FARP1: variants seen among roughly 807,000 people sequenced by gnomAD.
FARP1 encodes the protein FERM, ARH/RhoGEF and pleckstrin domain protein 1, also known as FERM, ARHGEF and pleckstrin domain-containing protein 1.
In FARP1, 52 loss-of-function variants were observed where a neutral mutation model predicts 128.8. The ratio of observed to expected loss-of-function variants is 0.40; its 90% CI spans 0.32 to 0.51. FARP1 has a LOEUF of 0.51. FARP1 is among the 20% of genes least tolerant of loss of function. FARP1 has a pLI of 0.45. For synonymous variants in FARP1, 580 were observed against 551.8 expected (o/e 1.05, Z -0.72); for missense variants, 1,333 against 1,367.9 (o/e 0.97, Z 0.40).
intron 1 of FARP1, among the ~76,000 whole-genome samples, chr13:98,149,395 A>AG (rs879567635): frequency 0.09 from 13,731 of 152,218 alleles, 784 homozygotes; most frequent in African/African-American, 0.15. Flanking sequence ...GTTGGCTATC[A>AG]TGAATACAGC....
chr13:98,193,056 T>G (rs1879339449), intron 1 of FARP1, among the ~76,000 whole-genome samples: 1 of 148,936 alleles, frequency 6.7e-6, no homozygotes, highest in Non-Finnish European at 1.5e-5. Context: ...ACAACCAGAC[T>G]GTTCTTTTTT....
chr13:98,439,954 C>A lies in FARP1; in HGVS notation c.2434-7C>A. On this transcript the variant is annotated splice_polypyrimidine_tract_variant and splice_region_variant and intron_variant, in intron 21 of 26. Transcript: ENST00000319562. ...CTCATGGTGACGTTATCTTCTCTTG[C>A]CCACAGATTGAGGAGAGCGAAGACG... The A allele has an allele frequency of 1.9e-6, 3 of 1,550,790 alleles. No homozygotes were observed. Among genetic ancestry groups the A allele is most frequent in the South Asian group, 2.4e-5 (2 of 83,222 alleles).
chr13:98,193,555 A>C (rs1201779279), intron 1 of FARP1, among the ~76,000 whole-genome samples: 1 of 152,228 alleles, frequency 6.6e-6, no homozygotes, highest in Non-Finnish European at 1.5e-5. Context: ...GCATGTCATT[A>C]AAACCTTCGT....
intron 3 of FARP1, among the ~76,000 whole-genome samples, chr13:98,358,635 G>C (rs917737978): frequency 4.0e-5 from 6 of 151,836 alleles, no homozygotes; most frequent in Admixed American, 1.3e-4. Context: ...AAGTTTTTTT[G>C]TTTCTTTCTT....
At chr13:98,285,396 A>G (rs971613721) in intron 2 of FARP1, among the ~76,000 whole-genome samples, 2 of 152,142 alleles carry the variant, frequency 1.3e-5, no homozygotes, top group Non-Finnish European at 2.9e-5. Flanking sequence ...TATTTCATTC[A>G]GAATTTTCTG....
At chr13:98,226,574 G>A (rs1032488451) in intron 2 of FARP1, among the ~76,000 whole-genome samples, 2 of 151,606 alleles carry the variant, frequency 1.3e-5, no homozygotes, top group African/African-American at 4.9e-5. Flanking sequence ...AAATGGCTGT[G>A]CTGTTGACTG....
intron 1 of FARP1, among the ~76,000 whole-genome samples, chr13:98,192,089 TAA>T (rs34571770): frequency 0.035 from 5,339 of 151,154 alleles, 307 homozygotes; most frequent in African/African-American, 0.12. Context: ...TTAAATTCTT[TAA>T]AAAAAAAACA....
At chr13:98,254,352 T>C (rs924705487) in intron 2 of FARP1, among the ~76,000 whole-genome samples, 6 of 152,372 alleles carry the variant, frequency 3.9e-5, no homozygotes, top group Admixed American at 3.3e-4. Flanking sequence ...GAGTGCCAGT[T>C]ATATCATCTG....
intron 1 of FARP1, among the ~76,000 whole-genome samples, chr13:98,199,971 C>A (rs1374725001): frequency 6.6e-6 from 1 of 152,134 alleles, no homozygotes; most frequent in Non-Finnish European, 1.5e-5. Context: ...AAAGCCTTCT[C>A]TTCTGGTAAT....
At chr13:98,379,071 ATGTAATATG>A (rs1889749759) in intron 6 of FARP1, among the ~76,000 whole-genome samples, 1 of 90,226 alleles carries the variant, frequency 1.1e-5, no homozygotes, top group African/African-American at 5.2e-5. Flanking sequence ...TATATAATAT[ATGTAATATG>A]TAATCTATAT....
intron 2 of FARP1, among the ~76,000 whole-genome samples, chr13:98,277,574 G>T (rs1484931344): frequency 6.6e-6 from 1 of 152,202 alleles, no homozygotes; most frequent in Admixed American, 6.5e-5. Context: ...GGAGGTATGG[G>T]TGGTGGCGCT....
At chr13:98,435,468 C>T (rs1175820728) in intron 18 of FARP1, 108 bp from the exon 19 acceptor site, 22 of 1,092,520 alleles carry the variant, frequency 2.0e-5, no homozygotes, top group Non-Finnish European at 2.5e-5. Context: ...CCTTTGAATA[C>T]TGTGCAGGGA....
chr13:98,374,251 T>C (rs1418394819), intron 5 of FARP1, among the ~76,000 whole-genome samples: 5 of 152,110 alleles, frequency 3.3e-5, no homozygotes, highest in Non-Finnish European at 2.9e-5. Flanking sequence ...CAGGGAGACC[T>C]GTCTCTACAA....
chr13:98,434,739 A>G (rs565184448), intron 18 of FARP1: 12 of 152,382 alleles, frequency 7.9e-5, no homozygotes, highest in African/African-American at 2.6e-4. Context: ...TCATGCCTGT[A>G]ATCCCAGCAC....
At position 98,409,471 on chromosome 13, in the gene FARP1, G is replaced by C; in HGVS notation, c.1548G>C (p.Leu516=). 1.2e-6 allele frequency: 2 copies of C among 1,614,002 alleles called. No individual in the cohort carries two copies. Among genetic ancestry groups the C allele is most frequent in the Non-Finnish European group, 1.7e-6 (2 of 1,179,978 alleles). ...TKQASPLISP[L]LNDQACPRTD... is the part of the protein sequence containing the mutation. ...AGGCCTCTCCCTTGATCAGCCCGCT[G>C]CTGAATGACCAGGCCTGCCCCCGGA... The change falls in exon 14 of 27, where the codon CTG becomes CTC. Residue 516 remains leucine (L), a synonymous_variant. Transcript: ENST00000319562.
At chr13:98,393,789 G>C in intron 12 of FARP1, 71 bp downstream of exon 12, 1 of 1,178,612 alleles carries the variant, frequency 8.5e-7, no homozygotes, top group Non-Finnish European at 1.3e-6. Context: ...CTGGGCTTCA[G>C]AGCGGGCTTT....
Position 98,394,476 on chromosome 13 carries a change from G to A in FARP1, c.1165-751G>A, listed in dbSNP as rs907747019. On this transcript the variant is annotated intron_variant, in intron 12 of 26. Coordinates refer to ENST00000319562, the MANE Select transcript of FARP1 (RefSeq NM_005766.4). ...CTTCCCTGGAGACCCCCTGTGGGCT[G>A]GAAGGGCCGTCTTGTTCCGTAGAAG... Among the ~76,000 whole-genome samples the A allele has an allele frequency of 3.3e-5, 5 of 152,330 alleles. 1 individual carries two copies. Among genetic ancestry groups the A allele is most frequent in the Admixed American group, 6.5e-5 (1 of 15,308 alleles).
chr13:98,176,518 T>C lies in FARP1; in HGVS notation c.-24+33026T>C. ...CTCGCTTCCCACTTCATGGTTTTCG[T>C]CCTCGCAGATACAGTAGCGACCCTC... is the stretch of plus-strand genomic sequence containing the variant. On this transcript the variant is annotated intron_variant, in intron 1 of 26. Coordinates refer to ENST00000319562, the MANE Select transcript of FARP1 (RefSeq NM_005766.4). This position sits in a 1 kb window ranked among gnomAD's most constrained non-coding sequence, Gnocchi z 6.2. 6.2e-7 allele frequency: 1 copy of C among 1,614,122 alleles called. No homozygotes were observed. The highest frequency in any genetic ancestry group is 8.5e-7 in the Non-Finnish European group (1 of 1,180,012).
At chr13:98,353,721 A>T (rs1307073815) in intron 3 of FARP1, among the ~76,000 whole-genome samples, 1 of 152,168 alleles carries the variant, frequency 6.6e-6, no homozygotes, top group African/African-American at 2.4e-5. Flanking sequence ...AATATTAAAT[A>T]TTTTTTAAAG....
Sources: allele counts gnomAD v4.1 joint callset (sites outside exome capture counted in the v4.1 genomes callset), GRCh38; gene constraint gnomAD v4.1.1; non-coding constraint Gnocchi (gnomAD v3.1); transcripts MANE v1.5; gene names NCBI Gene and HGNC (gene_info 2026-07-23, HGNC 2026-07-21).